Variants in NPHP1 observed in about 807,000 individuals in gnomAD.
NPHP1 encodes nephrocystin 1.
NPHP1 carries 70 observed loss-of-function variants against 90.4 expected under a neutral mutation model. The observed-to-expected ratio is 0.77, with a 90% CI of 0.64 to 0.95. The LOEUF (loss-of-function observed/expected upper bound fraction) is 0.95. Among genes scored for constraint, NPHP1 ranks in the 40% least tolerant of loss-of-function variants. The pLI, the probability that NPHP1 is intolerant of heterozygous loss-of-function variation, is 0.00. For synonymous variants in NPHP1, 256 were observed against 271.7 expected (o/e 0.94, Z 0.57); for missense variants, 764 against 795.9 (o/e 0.96, Z 0.48).
At chr2:110,201,566 T>A in intron 1 of NPHP1, 72 bp from the exon 2 acceptor site, 1 of 1,083,678 alleles carries the variant, frequency 9.2e-7, no homozygotes, top group East Asian at 2.5e-5. Flanking sequence ...TCTTTTTTTA[T>A]CCAATATTTT....
At chr2:110,183,127 C>A (rs752426379) in intron 2 of NPHP1, among the ~76,000 whole-genome samples, 38 of 152,278 alleles carry the variant, frequency 2.5e-4, no homozygotes, top group Non-Finnish European at 2.8e-4. Flanking sequence ...AAAAAGAGCA[C>A]CCATGTTGGG....
intron 6 of NPHP1, among the ~76,000 whole-genome samples, chr2:110,166,716 T>C (rs1682751951): frequency 6.6e-6 from 1 of 152,208 alleles, no homozygotes; most frequent in Non-Finnish European, 1.5e-5. Flanking sequence ...TTATTTAAGC[T>C]ACTTTTTGGG....
In NPHP1 at chr2:110,184,464, A is replaced by G. The variant is rs1684140163; in HGVS notation, c.144-4780T>C. 1.4e-5 allele frequency: 11 copies of G among 770,228 alleles called. 1 individual carries two copies. The South Asian group carries it at 1.5e-4, about 10-fold the overall frequency. 47.7% of individuals were successfully genotyped at this position (770,228 alleles called of 1,614,324 possible). ...CTTCAAGAGCTTCAATGTGCCTGCTATTTTCATCTCCATGTAAGCTGTGCT... is the reference window on the plus strand; with the variant it reads ...CTTCAAGAGCTTCAATGTGCCTGCTGTTTTCATCTCCATGTAAGCTGTGCT... On this transcript the variant is annotated intron_variant, in intron 2 of 19. Coordinates refer to ENST00000445609, the MANE Select transcript of NPHP1 (RefSeq NM_001128178.3).
intron 13 of NPHP1, among the ~76,000 whole-genome samples, 153 bp downstream of exon 13, chr2:110,147,759 GCACA>G (rs1681166727): frequency 6.6e-6 from 1 of 152,098 alleles, no homozygotes; most frequent in South Asian, 2.1e-4. Flanking sequence ...AAACAAATCA[GCACA>G]CATAAAATTA....
At chr2:110,144,104 G>C (rs1433383182) in intron 15 of NPHP1, 6 of 318,804 alleles carry the variant, frequency 1.9e-5, no homozygotes, top group Non-Finnish European at 3.6e-5. Flanking sequence ...CTAGCACAGT[G>C]CCTGGTTAAT....
At chr2:110,133,181 G>A (rs1442132177) in intron 16 of NPHP1, among the ~76,000 whole-genome samples, 1 of 151,508 alleles carries the variant, frequency 6.6e-6, no homozygotes, top group Non-Finnish European at 1.5e-5. Context: ...GTAGACTTAG[G>A]ACACTCATGG....
At chr2:110,172,748 T>C (rs1008865522) in intron 4 of NPHP1, among the ~76,000 whole-genome samples, 1 of 151,944 alleles carries the variant, frequency 6.6e-6, no homozygotes, top group Non-Finnish European at 1.5e-5. Context: ...TGCACCACTA[T>C]ACCCAGTCTG....
At chr2:110,172,934 T>G (rs916886433) in intron 4 of NPHP1, among the ~76,000 whole-genome samples, 5 of 151,896 alleles carry the variant, frequency 3.3e-5, no homozygotes, top group East Asian at 1.9e-4. Flanking sequence ...TTTGCAAACA[T>G]GTAGTAATTT....
chr2:110,174,773 CT>C (rs1355720925), intron 4 of NPHP1, among the ~76,000 whole-genome samples: 1 of 149,550 alleles, frequency 6.7e-6, no homozygotes, highest in Admixed American at 6.7e-5. Flanking sequence ...GAAAGTGTCC[CT>C]TTTTTGCAGT....
intron 8 of NPHP1, chr2:110,164,322 T>A: frequency 1.7e-6 from 1 of 589,236 alleles, no homozygotes; most frequent in Non-Finnish European, 3.0e-6. Context: ...CCAGTGTGAA[T>A]CACCATGCCT....
Position 110,165,106 on chromosome 2 carries a change from T to C in NPHP1, c.674A>G (p.Glu225Gly). Residue 225 changes from glutamate (E) to glycine (G), a missense_variant, in exon 7 of 20, where the codon GAA becomes GGA. Transcript: ENST00000445609. ...TTCATCCACCGCCTCTACATCTTCT[T>C]CACTGCCCTCTTCACTTGACTCTTG... ...EGQESSEEGSEEDVEAVDETA... is the reference protein window; with the variant it reads ...EGQESSEEGSGEDVEAVDETA... 1.2e-6 allele frequency: 2 copies of C among 1,613,900 alleles called. No homozygotes were observed. Among genetic ancestry groups the C allele is most frequent in the African/African-American group, 1.3e-5 (1 of 75,032 alleles).
chr2:110,179,851 C>A (rs1015209352), intron 2 of NPHP1, among the ~76,000 whole-genome samples, 167 bp from the exon 3 acceptor site: 16 of 152,114 alleles, frequency 1.1e-4, no homozygotes, highest in Non-Finnish European at 1.8e-4. Context: ...CTCAGATGAT[C>A]CTCATAGCCA....
chr2:110,171,878 T>C (rs1683149779), intron 4 of NPHP1, among the ~76,000 whole-genome samples: 1 of 152,202 alleles, frequency 6.6e-6, no homozygotes, highest in African/African-American at 2.4e-5. Flanking sequence ...TTTCTTCTAG[T>C]GTTCTTGTCA....
intron 11 of NPHP1, 99 bp downstream of exon 11, chr2:110,160,028 A>G (rs1682189891): frequency 7.5e-7 from 1 of 1,332,958 alleles, no homozygotes; most frequent in South Asian, 1.2e-5. Context: ...GGTAAAAAAT[A>G]CTCTCTTGGG....
chr2:110,142,034 G>A (rs1279394781), intron 16 of NPHP1, among the ~76,000 whole-genome samples: 1 of 150,566 alleles, frequency 6.6e-6, no homozygotes, highest in African/African-American at 2.4e-5. Flanking sequence ...TTCTTATAAA[G>A]TTAAACTCCA....
chr2:110,197,638 TGAGGA>T, intron 2 of NPHP1, among the ~76,000 whole-genome samples: 1 of 152,194 alleles, frequency 6.6e-6, no homozygotes, highest in South Asian at 2.1e-4. Context: ...TTTGTAACCA[TGAGGA>T]GAGACATCAC....
intron 19 of NPHP1, chr2:110,124,543 GGTCGAGGGGTC>G: frequency 4.4e-6 from 1 of 227,546 alleles, no homozygotes; most frequent in Non-Finnish European, 8.8e-6. Context: ...CTGGGATGGA[GGTCGAGGGGTC>G]CTTTGGTGAT....
Position 110,161,362 on chromosome 2 carries a change from C to A in NPHP1, c.954+241G>T, listed in dbSNP as rs1025750534. 6.6e-5 allele frequency among the ~76,000 whole-genome samples: 10 copies of A among 152,020 alleles called. 1 individual carries two copies. Among genetic ancestry groups the A allele is most frequent in the African/African-American group, 9.7e-5 (4 of 41,380 alleles). On this transcript the variant is annotated intron_variant, in intron 10 of 19. Transcript: ENST00000445609. Reference sequence around the variant, plus strand: ...AGGCAAAGAATGATTAAGATAGAAACCTAGTATTATTTCCTTTCTAACAAT... The same window carrying A: ...AGGCAAAGAATGATTAAGATAGAAAACTAGTATTATTTCCTTTCTAACAAT...
chr2:110,141,972 C>CAA (rs397934223), intron 16 of NPHP1, among the ~76,000 whole-genome samples: 4,442 of 94,024 alleles, frequency 0.047, 182 homozygotes, highest in African/African-American at 0.13. Context: ...GACTCTGTCT[C>CAA]AAAAAAAAAA....
Sources: gnomAD v4.1 joint callset for allele counts (sites outside exome capture counted in the v4.1 genomes callset) on GRCh38, gnomAD v4.1.1 for gene constraint, MANE v1.5 for transcripts, NCBI Gene and HGNC (gene_info 2026-07-23, HGNC 2026-07-21) for gene names.